The following SPAG16 variants were observed in gnomAD, a reference collection of about 807,000 sequenced individuals.
SPAG16 encodes the protein sperm associated antigen 16, also known as sperm-associated antigen 16 protein.
Under a neutral mutation model 80.4 loss-of-function variants are expected in SPAG16, and 86 were observed. The observed-to-expected ratio is 1.07, with a 90% CI of 0.90 to 1.28. The LOEUF is 1.28. Ranked by LOEUF, SPAG16 falls within the 50% of genes most tolerant of loss-of-function variation. The pLI is 0.00. For synonymous variants in SPAG16, 294 were observed against 265.9 expected (o/e 1.11, Z -1.03); for missense variants, 870 against 765.3 (o/e 1.14, Z -1.61).
intron 10 of SPAG16, among the ~76,000 whole-genome samples, chr2:213,648,817 C>A (rs1288489259): frequency 6.6e-6 from 1 of 152,166 alleles, no homozygotes; most frequent in Non-Finnish European, 1.5e-5. Context: ...TTGCTTAACT[C>A]AGGTCACATG....
At chr2:213,422,446 C>G in intron 9 of SPAG16, 1 of 599,866 alleles carries the variant, frequency 1.7e-6, no homozygotes, top group Non-Finnish European at 3.0e-6. Flanking sequence ...CTCACACACC[C>G]CTCACCTCTC....
chr2:213,596,266 C>G (rs1488718810), intron 10 of SPAG16, among the ~76,000 whole-genome samples: 1 of 151,976 alleles, frequency 6.6e-6, no homozygotes, highest in African/African-American at 2.4e-5. Context: ...TTGATTTGAA[C>G]TTTGAAAAAA....
In SPAG16 at chr2:213,391,600, T is replaced by G. The variant is rs934892826; in HGVS notation, c.942+16481T>G. On this transcript the variant is annotated intron_variant, in intron 9 of 15. Coordinates refer to ENST00000331683, the MANE Select transcript of SPAG16 (RefSeq NM_024532.5). ...TTAGTATTCAATGAAATAATATATG[T>G]AAGATATCTAACACTGTGCTTATAA... 2.6e-5 allele frequency among the ~76,000 whole-genome samples: 4 copies of G among 152,332 alleles called. No homozygotes were observed. In the South Asian group the frequency reaches 8.3e-4, roughly 32 times the overall value.
chr2:213,391,139 G>T (rs572759874), intron 9 of SPAG16, among the ~76,000 whole-genome samples: 5 of 152,156 alleles, frequency 3.3e-5, no homozygotes, highest in African/African-American at 9.6e-5. Context: ...ATGGTGGCAC[G>T]TGCCTGTAAT....
chr2:213,860,474 T>TAG (rs1553646298), intron 10 of SPAG16, among the ~76,000 whole-genome samples: 3,793 of 72,454 alleles, frequency 0.052, 88 homozygotes, highest in South Asian at 0.12. Flanking sequence ...TATATCTATC[T>TAG]ATATATATAT....
chr2:214,246,712 A>G (rs940506210), intron 15 of SPAG16, among the ~76,000 whole-genome samples: 10 of 152,094 alleles, frequency 6.6e-5, no homozygotes, highest in Non-Finnish European at 1.0e-4. Context: ...CACCCAGCCA[A>G]GTCCTTTCTG....
At chr2:213,908,832 TTACATATGTA>T (rs1356865879) in intron 11 of SPAG16, among the ~76,000 whole-genome samples, 2 of 151,720 alleles carry the variant, frequency 1.3e-5, no homozygotes, top group Non-Finnish European at 2.9e-5. Context: ...TGCAGGTTAG[TTACATATGTA>T]TACATGTGCC....
chr2:213,348,550 G>A (rs1313819224), intron 6 of SPAG16, among the ~76,000 whole-genome samples: 1 of 152,112 alleles, frequency 6.6e-6, no homozygotes, highest in Non-Finnish European at 1.5e-5. Context: ...GCTTCCTTCA[G>A]GAGCTCTTTT....
rs1441593353 is a variant in SPAG16 at position 214,390,234 on chromosome 2, A to C, written c.1721-19906A>C. 2.6e-5 allele frequency among the ~76,000 whole-genome samples: 4 copies of C among 151,848 alleles called. No individual in the cohort carries two copies. In the East Asian group the frequency reaches 7.7e-4, roughly 29 times the overall value. On this transcript the variant is annotated intron_variant, in intron 15 of 15. Transcript: ENST00000331683. Reference sequence around the variant, plus strand: ...CCTTCCTAGGTATTTGAACTCCTCCAGAAATGTTTTACTCTAACTCTGTAT... The same window carrying C: ...CCTTCCTAGGTATTTGAACTCCTCCCGAAATGTTTTACTCTAACTCTGTAT...
chr2:214,151,104 A>G (rs1270504250), intron 15 of SPAG16, among the ~76,000 whole-genome samples: 1 of 152,088 alleles, frequency 6.6e-6, no homozygotes, highest in African/African-American at 2.4e-5. Flanking sequence ...CCATTTCTTT[A>G]AGGAACATAC....
chr2:213,304,622 A>G (rs548532202), intron 3 of SPAG16, among the ~76,000 whole-genome samples: 29 of 152,244 alleles, frequency 1.9e-4, no homozygotes, highest in African/African-American at 6.7e-4. Flanking sequence ...ATCACCATTC[A>G]TCGAAGACAC....
intron 10 of SPAG16, among the ~76,000 whole-genome samples, chr2:213,822,128 G>C (rs532715025): frequency 1.3e-5 from 2 of 152,242 alleles, no homozygotes; most frequent in East Asian, 3.9e-4. Context: ...CCTCCAAACT[G>C]TTCTCCATAG....
At chr2:213,713,519 G>T (rs558418404) in intron 10 of SPAG16, among the ~76,000 whole-genome samples, 1 of 152,244 alleles carries the variant, frequency 6.6e-6, no homozygotes, top group African/African-American at 2.4e-5. Flanking sequence ...GAAGTCACAA[G>T]TACCCTACAA....
At chr2:213,315,041 A>G (rs2063343855) in intron 4 of SPAG16, among the ~76,000 whole-genome samples, 1 of 151,938 alleles carries the variant, frequency 6.6e-6, no homozygotes, top group Admixed American at 6.6e-5. Context: ...TAACATTATT[A>G]TGATTTATAA....
At chr2:214,097,677 G>T (rs867125540) in intron 13 of SPAG16, among the ~76,000 whole-genome samples, 1 of 151,946 alleles carries the variant, frequency 6.6e-6, no homozygotes, top group Admixed American at 6.6e-5. Context: ...GTGTGTGTGC[G>T]TGTGTGTGCA....
chr2:213,710,500 A>G (rs1288114374), intron 10 of SPAG16, among the ~76,000 whole-genome samples: 1 of 152,210 alleles, frequency 6.6e-6, no homozygotes, highest in Admixed American at 6.5e-5. Flanking sequence ...CAATGTTCAT[A>G]TTCAAAAACA....
intron 15 of SPAG16, among the ~76,000 whole-genome samples, chr2:214,319,785 T>A (rs939061959): frequency 6.6e-5 from 10 of 152,234 alleles, no homozygotes; most frequent in Non-Finnish European, 1.0e-4. Flanking sequence ...ATTAATATTA[T>A]TGAAGAAATA....
At chr2:213,788,576 C>T (rs1321860081) in intron 10 of SPAG16, among the ~76,000 whole-genome samples, 3 of 151,786 alleles carry the variant, frequency 2.0e-5, no homozygotes, top group Non-Finnish European at 4.4e-5. Flanking sequence ...AGCCAATATC[C>T]ACAGTGTTTT....
chr2:213,559,742 A>G (rs2059543814), intron 10 of SPAG16, among the ~76,000 whole-genome samples: 3 of 152,130 alleles, frequency 2.0e-5, no homozygotes, highest in Admixed American at 1.3e-4. Context: ...TTAAGGTTTC[A>G]TAGAGACAAT....
Sources: gnomAD v4.1 joint callset for allele counts (sites outside exome capture counted in the v4.1 genomes callset) on GRCh38, gnomAD v4.1.1 for gene constraint, MANE v1.5 for transcripts, NCBI Gene and HGNC (gene_info 2026-07-23, HGNC 2026-07-21) for gene names.